PIEZO2: variants seen among roughly 807,000 people sequenced by gnomAD.
The protein encoded by PIEZO2 is piezo type mechanosensitive ion channel component 2.
PIEZO2 carries 172 observed loss-of-function variants against 337.3 expected under a neutral mutation model. The observed-to-expected ratio is 0.51, with a 90% CI of 0.45 to 0.58. PIEZO2 has a LOEUF of 0.58. Ranked by LOEUF, PIEZO2 falls within the 20% of genes least tolerant of loss-of-function variation. The pLI, the probability that PIEZO2 is intolerant of heterozygous loss-of-function variation, is 0.00. For synonymous variants in PIEZO2, 1,251 were observed against 1,228.5 expected, an observed-to-expected ratio of 1.02 and a Z score of -0.38; for missense variants, 3,028 against 3,391.3, an observed-to-expected ratio of 0.89 and a Z score of 2.66.
chr18:11,140,515 A>T (rs999932959), intron 1 of PIEZO2, among the ~76,000 whole-genome samples: 20 of 152,174 alleles, frequency 1.3e-4, no homozygotes, highest in African/African-American at 4.8e-4. Context: ...TGAGAAAATC[A>T]TGTTATTTTG....
chr18:10,684,790 T>A (rs1434731842), intron 49 of PIEZO2, among the ~76,000 whole-genome samples: 2 of 152,192 alleles, frequency 1.3e-5, no homozygotes, highest in Non-Finnish European at 2.9e-5. Context: ...AAAGGCATTG[T>A]CCCCTTCCTG....
rs2042882337 is a variant in PIEZO2, at chr18:10,895,753, T to C, written c.329+15433A>G. Among the ~76,000 whole-genome samples, 2 of 152,168 alleles carry C rather than the reference T, an allele frequency of 1.3e-5. No individual in the cohort carries two copies. The highest frequency in any genetic ancestry group is 2.9e-5 in the Non-Finnish European group (2 of 68,020). On this transcript the variant is annotated intron_variant, in intron 4 of 55. Coordinates refer to ENST00000674853, the MANE Select transcript of PIEZO2 (RefSeq NM_001378183.1). This position sits in a 1 kb window ranked among gnomAD's most constrained non-coding sequence, Gnocchi z 4.8. ...TGTAATGGGTGCTGATGATGTTGTT[T>C]CTGTCTGTCTCTAAAACTCAGAGCC...
rs1479064107 is a variant in PIEZO2 at position 11,110,440 on chromosome 18, C to G, written c.64+38085G>C. ...GGCTGACAGGGCTTCAGCATGGGCG[C>G]TGCGGCCTTAACTCCTCACAAGTCC... On this transcript the variant is annotated intron_variant, in intron 1 of 55. Coordinates refer to ENST00000674853, the MANE Select transcript of PIEZO2 (RefSeq NM_001378183.1). The surrounding 1 kb of genome is among the most constrained non-coding windows in gnomAD (Gnocchi z 4.2). 6.6e-6 allele frequency among the ~76,000 whole-genome samples: 1 copy of G among 152,254 alleles called. No individual in the cohort carries two copies. Among genetic ancestry groups the G allele is most frequent in the African/African-American group, 2.4e-5 (1 of 41,474 alleles).
intron 3 of PIEZO2, among the ~76,000 whole-genome samples, chr18:10,921,257 A>G (rs141674905): frequency 0.014 from 2,193 of 152,244 alleles, 45 homozygotes; most frequent in African/African-American, 0.047. Flanking sequence ...AATGGAAGGT[A>G]GAGAAGGAGA....
At position 11,148,396 on chromosome 18, in the gene PIEZO2, G is replaced by A. The variant is rs2040862788; in HGVS notation, c.64+129C>T. 1.1e-5 allele frequency: 11 copies of A among 1,033,096 alleles called. No individual in the cohort carries two copies. 64.0% of individuals were successfully genotyped at this position (1,033,096 alleles called of 1,614,324 possible). ...CCAGGCTGTGCACCAGGGACAGCGC[G>A]CGTCTGACGCCGCTGGCCTCCCGAA... On this transcript the variant is annotated intron_variant, in intron 1 of 55. Coordinates refer to ENST00000674853, the MANE Select transcript of PIEZO2 (RefSeq NM_001378183.1). The surrounding 1 kb of genome is among the most constrained non-coding windows in gnomAD (Gnocchi z 5.2).
At chr18:11,068,077 C>T (rs368043582) in intron 1 of PIEZO2, among the ~76,000 whole-genome samples, 13 of 152,258 alleles carry the variant, frequency 8.5e-5, no homozygotes, top group East Asian at 1.9e-4. Flanking sequence ...ATCCGCCACA[C>T]GCCCAGCTAA....
At chr18:10,893,882 C>A (rs1245217617) in intron 4 of PIEZO2, among the ~76,000 whole-genome samples, 2 of 152,202 alleles carry the variant, frequency 1.3e-5, no homozygotes, top group East Asian at 3.9e-4. Flanking sequence ...GACCTTGCAG[C>A]TTCCTCCTGA....
chr18:11,139,044 C>T (rs539657167), intron 1 of PIEZO2, among the ~76,000 whole-genome samples: 1 of 152,322 alleles, frequency 6.6e-6, no homozygotes, highest in East Asian at 1.9e-4. Context: ...TACTCATAAT[C>T]GTGCCTAACT....
At chr18:10,756,403 G>A (rs2037850790) in intron 27 of PIEZO2, among the ~76,000 whole-genome samples, 3 of 149,502 alleles carry the variant, frequency 2.0e-5, no homozygotes, top group South Asian at 2.2e-4. Flanking sequence ...TGAGGAGGAC[G>A]GATGGAAGAG....
intron 43 of PIEZO2, among the ~76,000 whole-genome samples, chr18:10,701,246 G>A (rs1212664940): frequency 6.6e-6 from 1 of 152,204 alleles, no homozygotes; most frequent in African/African-American, 2.4e-5. Flanking sequence ...TCTATGCTAT[G>A]CAATAATTTC....
chr18:10,774,994 A>G (rs1010887983), intron 18 of PIEZO2, among the ~76,000 whole-genome samples: 1 of 152,246 alleles, frequency 6.6e-6, no homozygotes, highest in Non-Finnish European at 1.5e-5. Context: ...ATTTGTAAAC[A>G]TGCCTATCAT....
chr18:10,802,987 AAG>A (rs1555649994), intron 9 of PIEZO2, among the ~76,000 whole-genome samples: 1 of 151,660 alleles, frequency 6.6e-6, no homozygotes, highest in African/African-American at 2.4e-5. Context: ...AAAAAAAAAA[AAG>A]GTATTTTAAT....
At chr18:10,947,197 T>C (rs1395340477) in intron 3 of PIEZO2, among the ~76,000 whole-genome samples, 1 of 151,812 alleles carries the variant, frequency 6.6e-6, no homozygotes, top group Non-Finnish European at 1.5e-5. Context: ...CTAAAATAAA[T>C]AAATGAATCA....
intron 2 of PIEZO2, among the ~76,000 whole-genome samples, chr18:11,061,443 T>C (rs987694571): frequency 6.6e-6 from 1 of 151,058 alleles, no homozygotes; most frequent in African/African-American, 2.4e-5. Flanking sequence ...GGGTATTCAA[T>C]TAGGAAAAGA....
chr18:10,788,506 A>T (rs35199005), intron 15 of PIEZO2, among the ~76,000 whole-genome samples: 41,318 of 149,680 alleles, frequency 0.28, 5,981 homozygotes, highest in East Asian at 0.35. Flanking sequence ...AATTTTACAG[A>T]TTTTTTTTGA....
At chr18:10,928,210 A>C (rs75171089) in intron 3 of PIEZO2, among the ~76,000 whole-genome samples, 5,028 of 152,206 alleles carry the variant, frequency 0.033, 108 homozygotes, top group Middle Eastern at 0.051. Flanking sequence ...ATGAGGGAAA[A>C]CCTGAAGGCT....
At chr18:10,755,333 A>C (rs2037794614) in intron 27 of PIEZO2, among the ~76,000 whole-genome samples, 1 of 152,196 alleles carries the variant, frequency 6.6e-6, no homozygotes, top group African/African-American at 2.4e-5. Flanking sequence ...CTGCAACCTC[A>C]TATGGCTCAA....
Position 11,028,582 on chromosome 18 carries a change from G to A in PIEZO2, c.160+37545C>T, listed in dbSNP as rs531179435. ...AGTCTATACGTGGCCATCTTATATGGTCATTGACACTGTCCTTCAGCTTTA... is the reference window on the plus strand; with the variant it reads ...AGTCTATACGTGGCCATCTTATATGATCATTGACACTGTCCTTCAGCTTTA... On this transcript the variant is annotated intron_variant, in intron 2 of 55. Coordinates refer to ENST00000674853, the MANE Select transcript of PIEZO2 (RefSeq NM_001378183.1). The surrounding 1 kb of genome is among the most constrained non-coding windows in gnomAD (Gnocchi z 4.8). Among the ~76,000 whole-genome samples, 30 of 152,268 alleles carry A rather than the reference G, an allele frequency of 2.0e-4. No individual in the cohort carries two copies. The South Asian group carries it at 5.8e-3, about 29-fold the overall frequency.
At chr18:10,684,205 G>A (rs192437620) in intron 49 of PIEZO2, among the ~76,000 whole-genome samples, 6,151 of 114,674 alleles carry the variant, frequency 0.054, 180 homozygotes, top group Non-Finnish European at 0.069. Flanking sequence ...TTGCTCTGTC[G>A]CCCAGGCTGG....
Sources: gnomAD v4.1 joint callset for allele counts (sites outside exome capture counted in the v4.1 genomes callset) on GRCh38, gnomAD v4.1.1 for gene constraint, Gnocchi (gnomAD v3.1) non-coding constraint, MANE v1.5 for transcripts, NCBI Gene and HGNC (gene_info 2026-07-23, HGNC 2026-07-21) for gene names.